CEP57L1: variants seen among roughly 807,000 people sequenced by gnomAD.
CEP57L1 encodes centrosomal protein CEP57L1.
A neutral mutation model predicts 61.0 loss-of-function variants in CEP57L1; 37 were observed. The observed-to-expected ratio is 0.61, with a 90% CI of 0.47 to 0.80. The LOEUF (loss-of-function observed/expected upper bound fraction) is 0.80. CEP57L1 is among the 30% of genes least tolerant of loss of function. The probability of loss-of-function intolerance (pLI) is 0.00; values close to 1 mark genes in which losing one functional copy is unlikely to be tolerated. For synonymous variants in CEP57L1, 137 were observed against 162.3 expected, an observed-to-expected ratio of 0.84 and a Z score of 1.19; for missense variants, 422 against 524.7, an observed-to-expected ratio of 0.80 and a Z score of 1.91.
chr6:109,145,921 G>A (rs116570061), intron 2 of CEP57L1, among the ~76,000 whole-genome samples: 2,495 of 151,968 alleles, frequency 0.016, 80 homozygotes, highest in African/African-American at 0.057. Context: ...ATTCTTTTCT[G>A]AGATGCTGAT....
intron 1 of CEP57L1, among the ~76,000 whole-genome samples, chr6:109,105,086 G>A (rs1360906011): frequency 1.3e-5 from 2 of 151,746 alleles, no homozygotes; most frequent in Non-Finnish European, 2.9e-5. Context: ...TAATTTATAG[G>A]ATAGAACTTG....
rs549124752 is a variant in CEP57L1 at position 109,158,500 on chromosome 6, G to A, written c.745-525G>A. On this transcript the variant is annotated intron_variant, in intron 7 of 10. Transcript: ENST00000517392. Reference sequence around the variant, plus strand: ...TGAGACCCTATCTCAAAAAAAAAAGGATATTTCGATTGTTTCCAGGTTTTT... The same window carrying A: ...TGAGACCCTATCTCAAAAAAAAAAGAATATTTCGATTGTTTCCAGGTTTTT... The A allele has an allele frequency of 5.7e-5, 22 of 389,282 alleles. No homozygotes were observed. The East Asian group carries it at 6.1e-4, about 11-fold the overall frequency. The allele number at this position is 389,282 out of a possible 1,614,324, so 24.1% of individuals were successfully genotyped here. A position where few individuals can be genotyped will look rare whatever the true frequency, so the allele number is the denominator to read the frequency against.
At chr6:109,118,652 C>G (rs1772588323) in intron 1 of CEP57L1, among the ~76,000 whole-genome samples, 1 of 152,188 alleles carries the variant, frequency 6.6e-6, no homozygotes, top group Admixed American at 6.5e-5. Flanking sequence ...GACTTCTGAG[C>G]TCTCAATACC....
chr6:109,116,112 T>TG (rs1562511782), intron 1 of CEP57L1, among the ~76,000 whole-genome samples: 37 of 148,510 alleles, frequency 2.5e-4, no homozygotes, highest in African/African-American at 9.2e-4. Flanking sequence ...TTTATTTTAT[T>TG]TTATGTTATG....
chr6:109,153,231 CTTTTTTTTTT>C (rs34538762), intron 4 of CEP57L1, among the ~76,000 whole-genome samples: 3 of 79,000 alleles, frequency 3.8e-5, no homozygotes, highest in Admixed American at 1.4e-4. Flanking sequence ...CTAATCTGCA[CTTTTTTTTTT>C]TTTTTTTTTT....
intron 1 of CEP57L1, among the ~76,000 whole-genome samples, chr6:109,133,224 T>G (rs967471040): frequency 6.6e-6 from 1 of 152,210 alleles, no homozygotes; most frequent in African/African-American, 2.4e-5. Context: ...AGACAGTTTT[T>G]CCACAGATGC....
intron 1 of CEP57L1, among the ~76,000 whole-genome samples, chr6:109,131,031 T>A (rs1204118549): frequency 6.6e-6 from 1 of 152,208 alleles, no homozygotes; most frequent in East Asian, 1.9e-4. Context: ...GCCTTTATTG[T>A]GATGGTTACA....
intron 1 of CEP57L1, among the ~76,000 whole-genome samples, chr6:109,125,527 T>A (rs866519444): frequency 1.4e-3 from 212 of 147,822 alleles, no homozygotes; most frequent in Middle Eastern, 3.5e-3. Flanking sequence ...TATATATATT[T>A]TTTTTTTAAC....
intron 1 of CEP57L1, among the ~76,000 whole-genome samples, chr6:109,126,670 G>T (rs1773586554): frequency 6.6e-6 from 1 of 152,008 alleles, no homozygotes; most frequent in Non-Finnish European, 1.5e-5. Context: ...AAACTAAATG[G>T]ATACACATTC....
At chr6:109,119,339 G>C (rs1291479888) in intron 1 of CEP57L1, among the ~76,000 whole-genome samples, 1 of 152,106 alleles carries the variant, frequency 6.6e-6, no homozygotes, top group Non-Finnish European at 1.5e-5. Context: ...ACTTCAAAAG[G>C]CTACGTAATG....
intron 1 of CEP57L1, among the ~76,000 whole-genome samples, chr6:109,115,997 T>G (rs1210275159): frequency 4.6e-5 from 7 of 152,202 alleles, no homozygotes; most frequent in Admixed American, 2.0e-4. Context: ...AATTTTGATT[T>G]ATCTGTATTT....
intron 1 of CEP57L1, among the ~76,000 whole-genome samples, chr6:109,116,554 A>G (rs1203594282): frequency 6.6e-6 from 1 of 152,226 alleles, no homozygotes; most frequent in Non-Finnish European, 1.5e-5. Flanking sequence ...TTATATAGGT[A>G]CAGTTTCAAT....
At chr6:109,133,244 A>G (rs1434217128) in intron 1 of CEP57L1, among the ~76,000 whole-genome samples, 1 of 152,146 alleles carries the variant, frequency 6.6e-6, no homozygotes, top group Non-Finnish European at 1.5e-5. Flanking sequence ...CGGCAGGGGT[A>G]AGGGGATGGT....
At chr6:109,099,768 T>G (rs549894476) in intron 1 of CEP57L1, among the ~76,000 whole-genome samples, 10 of 152,290 alleles carry the variant, frequency 6.6e-5, no homozygotes, top group African/African-American at 2.4e-4. Flanking sequence ...CAGGATGGTC[T>G]CGATCTCCTG....
chr6:109,143,548 T>C (rs1048383151), intron 1 of CEP57L1, among the ~76,000 whole-genome samples: 2 of 152,176 alleles, frequency 1.3e-5, no homozygotes, highest in African/African-American at 2.4e-5. Context: ...AGTGGATTAT[T>C]CTGCTTGTGC....
chr6:109,095,511 T>G lies in CEP57L1; in HGVS notation c.-68T>G. On this transcript the variant is annotated 5_prime_UTR_variant, in exon 1 of 11. Coordinates refer to ENST00000517392, the MANE Select transcript of CEP57L1 (RefSeq NM_001271852.3). ...ACAACCCCCAGGGGCCACCGCGACG[T>G]TGCCTGTGGGTGCCCGCGAACCAAC... is the stretch of plus-strand genomic sequence containing the variant. The G allele has an allele frequency of 1.0e-6, 1 of 985,862 alleles. No individual in the cohort carries two copies. Among genetic ancestry groups the G allele is most frequent in the Non-Finnish European group, 1.2e-6 (1 of 829,940 alleles). The allele number at this position is 985,862 out of a possible 1,614,324, so 61.1% of individuals were successfully genotyped here.
At chr6:109,112,985 T>C (rs1291197512) in intron 1 of CEP57L1, among the ~76,000 whole-genome samples, 1 of 152,186 alleles carries the variant, frequency 6.6e-6, no homozygotes, top group Non-Finnish European at 1.5e-5. Context: ...ATGTATATTC[T>C]GTTGATTTGG....
intron 1 of CEP57L1, among the ~76,000 whole-genome samples, chr6:109,104,867 A>G (rs144859130): frequency 1.5e-3 from 235 of 152,334 alleles, no homozygotes; most frequent in Middle Eastern, 0.014. Flanking sequence ...GATTACAGAC[A>G]TGAGCCACTG....
Position 109,155,773 on chromosome 6 carries a change from T to G in CEP57L1, c.658-18T>G. On this transcript the variant is annotated intron_variant, in intron 6 of 10. Transcript: ENST00000517392. Reference sequence around the variant, plus strand: ...ATGTTACAAATCAATGTTATAACCTTTTTTTTAAATATTACAGCTTCAAAC... The same window carrying G: ...ATGTTACAAATCAATGTTATAACCTGTTTTTTAAATATTACAGCTTCAAAC... 5.3e-6 allele frequency: 7 copies of G among 1,331,464 alleles called. No individual in the cohort carries two copies. Among genetic ancestry groups the G allele is most frequent in the Non-Finnish European group, 7.5e-6 (7 of 936,660 alleles). The allele number at this position is 1,331,464 out of a possible 1,614,324, so 82.5% of individuals were successfully genotyped here. A position where few individuals can be genotyped will look rare whatever the true frequency, so the allele number is the denominator to read the frequency against.
Sources: gnomAD v4.1 joint callset for allele counts (sites outside exome capture counted in the v4.1 genomes callset) on GRCh38, gnomAD v4.1.1 for gene constraint, MANE v1.5 for transcripts, NCBI Gene and HGNC (gene_info 2026-07-23, HGNC 2026-07-21) for gene names.